Variants in RGS8 observed in about 807,000 individuals in gnomAD.
RGS8 encodes regulator of G-protein signaling 8.
In RGS8, 8 loss-of-function variants were observed where a neutral mutation model predicts 21.7. The ratio of observed to expected loss-of-function variants is 0.37; its 90% confidence interval spans 0.22 to 0.66. RGS8 has a LOEUF of 0.66. Ranked by LOEUF, RGS8 falls within the 30% of genes least tolerant of loss-of-function variation. The pLI, the probability that RGS8 is intolerant of heterozygous loss-of-function variation, is 0.59. For missense variants in RGS8, 157 were observed against 217.9 expected, an observed-to-expected ratio of 0.72 and a Z score of 1.76; for synonymous variants, 80 against 83.6, an observed-to-expected ratio of 0.96 and a Z score of 0.24.
the RGS8 span, among the ~76,000 whole-genome samples, chr1:182,703,061 CTTA>C: frequency 6.6e-6 from 1 of 152,152 alleles, no homozygotes; most frequent in Non-Finnish European, 1.5e-5. Context: ...TTTTTGAGTA[CTTA>C]TTATGTACCA....
intron 2 of RGS8, 97 bp downstream of exon 3, chr1:182,671,560 A>T (rs1438385335): frequency 9.8e-7 from 1 of 1,021,244 alleles, no homozygotes; most frequent in East Asian, 2.4e-5. Flanking sequence ...GAAAGCAATC[A>T]ATATGCATGA....
At chr1:182,646,770 C>T (rs777495825) in exon 7 of RGS8, 1 of 1,614,138 alleles carries the variant, frequency 6.2e-7, no homozygotes, top group East Asian at 2.2e-5. Flanking sequence ...GACAGCAGAT[C>T]TAAGTACATT....
the RGS8 span, among the ~76,000 whole-genome samples, chr1:182,725,782 C>T: frequency 6.6e-6 from 1 of 152,294 alleles, no homozygotes; most frequent in East Asian, 1.9e-4. Flanking sequence ...CAGTGTCTGA[C>T]GTCACGGCGT....
In RGS8 at chr1:182,666,859, C is replaced by A; in HGVS notation, c.128+13G>T. On this transcript the variant is annotated intron_variant, in intron 4 of 6. Transcript: ENST00000483095. ...GTATTACCCAGGGAATGGCACGTGG[C>A]CGTACTACTCACTTGAGAGCGCGGT... The A allele has an allele frequency of 6.2e-7, 1 of 1,600,298 alleles. No individual in the cohort carries two copies. Among genetic ancestry groups the A allele is most frequent in the Non-Finnish European group, 8.6e-7 (1 of 1,167,402 alleles).
the RGS8 span, among the ~76,000 whole-genome samples, chr1:182,701,257 A>G: frequency 6.6e-6 from 1 of 152,234 alleles, no homozygotes; most frequent in Non-Finnish European, 1.5e-5. Flanking sequence ...CTCATTGGGC[A>G]GCAGGCATCA....
chr1:182,737,368 G>A, the RGS8 span, among the ~76,000 whole-genome samples: 1 of 152,014 alleles, frequency 6.6e-6, no homozygotes, highest in East Asian at 1.9e-4. Context: ...GCCATATGAT[G>A]TGGTTTGGCT....
upstream of RGS8, among the ~76,000 whole-genome samples, chr1:182,673,567 A>T (rs1255474978): frequency 6.6e-6 from 1 of 152,186 alleles, no homozygotes; most frequent in Non-Finnish European, 1.5e-5. Context: ...ATGAAATAAA[A>T]ATTCTGATGC....
chr1:182,720,935 A>G, the RGS8 span, among the ~76,000 whole-genome samples: 1 of 130,026 alleles, frequency 7.7e-6, no homozygotes, highest in African/African-American at 3.0e-5. Flanking sequence ...ATACATATAT[A>G]CATATATATA....
chr1:182,659,102 A>C (rs1019288171), intron 5 of RGS8, among the ~76,000 whole-genome samples: 1 of 152,234 alleles, frequency 6.6e-6, no homozygotes, highest in African/African-American at 2.4e-5. Flanking sequence ...GAGAGAGCCT[A>C]TGATCAAACC....
the RGS8 span, among the ~76,000 whole-genome samples, chr1:182,726,461 G>A: frequency 5.3e-5 from 8 of 152,170 alleles, no homozygotes; most frequent in Non-Finnish European, 7.4e-5. Context: ...ATCTGATGTC[G>A]GGAGTTGGAG....
At chr1:182,738,477 TATC>T in the RGS8 span, among the ~76,000 whole-genome samples, 14 of 152,232 alleles carry the variant, frequency 9.2e-5, no homozygotes, top group Non-Finnish European at 1.9e-4. Context: ...ATTTTAGGCT[TATC>T]ATTTTAGATT....
chr1:182,731,209 T>C, the RGS8 span, among the ~76,000 whole-genome samples: 2 of 152,208 alleles, frequency 1.3e-5, no homozygotes, highest in African/African-American at 4.8e-5. Flanking sequence ...CTGGAGAATC[T>C]AGATAGAAAT....
At chr1:182,660,191 C>G (rs1442093089) in intron 5 of RGS8, among the ~76,000 whole-genome samples, 1 of 152,170 alleles carries the variant, frequency 6.6e-6, no homozygotes, top group Non-Finnish European at 1.5e-5. Context: ...TCACACTGAA[C>G]TCTCACAACT....
exon 7 of RGS8, chr1:182,646,708 T>G: frequency 6.3e-7 from 1 of 1,582,560 alleles, no homozygotes. Context: ...GGAAAGCCGG[T>G]GATTTCCAGG....
the RGS8 span, among the ~76,000 whole-genome samples, chr1:182,715,198 G>A: frequency 1.3e-5 from 2 of 152,166 alleles, no homozygotes; most frequent in Non-Finnish European, 2.9e-5. Flanking sequence ...GGCTTATTCA[G>A]CAGCTCAGCA....
chr1:182,667,268 G>T (rs2102437386), intron 3 of RGS8, among the ~76,000 whole-genome samples: 1 of 152,340 alleles, frequency 6.6e-6, no homozygotes, highest in East Asian at 1.9e-4. Flanking sequence ...AGGATTCTCT[G>T]TAGGGAAAGA....
chr1:182,673,078 TCG>T, upstream of RGS8: 2 of 580,636 alleles, frequency 3.4e-6, no homozygotes, highest in South Asian at 2.1e-5. Context: ...GCTTGTCTTC[TCG>T]TTATGCTCTA....
upstream of RGS8, among the ~76,000 whole-genome samples, chr1:182,676,912 G>A (rs140351885): frequency 7.2e-4 from 109 of 152,200 alleles, no homozygotes; most frequent in Non-Finnish European, 1.4e-3. Flanking sequence ...ACACCTGCCC[G>A]GTCTATTTCT....
the RGS8 span, among the ~76,000 whole-genome samples, chr1:182,745,137 A>G: frequency 6.6e-6 from 1 of 152,252 alleles, no homozygotes; most frequent in South Asian, 2.1e-4. Context: ...TGAGCAATCT[A>G]ACATTCAATC....
Sources: gnomAD v4.1 joint callset for allele counts (sites outside exome capture counted in the v4.1 genomes callset) on GRCh38, gnomAD v4.1.1 for gene constraint, MANE v1.5 for transcripts, NCBI Gene and HGNC (gene_info 2026-07-23, HGNC 2026-07-21) for gene names.